The following NLGN1 variants were observed in gnomAD, a reference collection of about 807,000 sequenced individuals.
NLGN1 encodes neuroligin 1, also known as neuroligin-1.
In NLGN1, 12 loss-of-function variants were observed where a neutral mutation model predicts 65.5. That is an observed-to-expected ratio of 0.18 (90% CI 0.12 to 0.30). The LOEUF (loss-of-function observed/expected upper bound fraction) is 0.30, where lower values mean the gene tolerates loss of function less well. NLGN1 is among the 10% of genes least tolerant of loss of function. The pLI, the probability that NLGN1 is intolerant of heterozygous loss-of-function variation, is 1.00. For synonymous variants in NLGN1, 350 were observed against 359.5 expected, an observed-to-expected ratio of 0.97 and a Z score of 0.30; for missense variants, 750 against 1,007.1, an observed-to-expected ratio of 0.74 and a Z score of 3.46.
intron 2 of NLGN1, among the ~76,000 whole-genome samples, chr3:173,443,254 AG>A (rs1452753096): frequency 6.7e-6 from 1 of 149,704 alleles, no homozygotes; most frequent in Non-Finnish European, 1.5e-5. Context: ...AAAAAAAAGA[AG>A]TTTTTTAAAA....
chr3:173,464,869 T>G (rs1292295792), intron 2 of NLGN1, among the ~76,000 whole-genome samples: 1 of 106,186 alleles, frequency 9.4e-6, no homozygotes, highest in East Asian at 3.4e-4. Flanking sequence ...TAGAACTATT[T>G]TTTTTTGTGG....
At chr3:174,211,086 C>T (rs560607229) in intron 4 of NLGN1, among the ~76,000 whole-genome samples, 3 of 151,990 alleles carry the variant, frequency 2.0e-5, no homozygotes, top group Non-Finnish European at 2.9e-5. Flanking sequence ...TGGTCTCGCT[C>T]GCTCAGGAGT....
chr3:173,954,410 G>A (rs577063200), intron 4 of NLGN1, among the ~76,000 whole-genome samples: 11 of 152,034 alleles, frequency 7.2e-5, no homozygotes, highest in South Asian at 4.2e-4. Context: ...ATTGAAGTGC[G>A]TAGAAGTGTA....
intron 4 of NLGN1, among the ~76,000 whole-genome samples, chr3:174,192,091 A>G (rs6445149): frequency 0.76 from 115,111 of 151,926 alleles, 43,689 homozygotes; most frequent in East Asian, 0.83. Context: ...AAATTCCATC[A>G]TATTCCGTTG....
chr3:174,139,000 A>C (rs949261045), intron 4 of NLGN1, among the ~76,000 whole-genome samples: 3 of 152,194 alleles, frequency 2.0e-5, no homozygotes, highest in Admixed American at 2.0e-4. Flanking sequence ...AAGAATATAG[A>C]AGCCAAACAT....
chr3:174,275,376 A>G, exon 5 of NLGN1: 1 of 1,612,808 alleles, frequency 6.2e-7, no homozygotes, highest in Non-Finnish European at 8.5e-7. Context: ...ATCTCATACA[A>G]GCTTTAAGAT....
chr3:173,970,690 G>A (rs1716033431), intron 4 of NLGN1, among the ~76,000 whole-genome samples: 1 of 152,102 alleles, frequency 6.6e-6, no homozygotes, highest in Non-Finnish European at 1.5e-5. Flanking sequence ...TTAAATCTAG[G>A]CCTTGTCAAC....
intron 4 of NLGN1, among the ~76,000 whole-genome samples, chr3:174,198,553 T>G (rs1322628094): frequency 1.3e-5 from 2 of 152,252 alleles, no homozygotes; most frequent in Non-Finnish European, 2.9e-5. Context: ...CTATTTTTTC[T>G]GGCAGAATAT....
At chr3:174,067,350 A>G (rs1738846166) in intron 4 of NLGN1, among the ~76,000 whole-genome samples, 1 of 152,188 alleles carries the variant, frequency 6.6e-6, no homozygotes, top group Admixed American at 6.6e-5. Context: ...CTGAACTGTA[A>G]TAACTTTTAT....
chr3:174,074,129 A>G (rs1429462411), intron 4 of NLGN1, among the ~76,000 whole-genome samples: 1 of 152,176 alleles, frequency 6.6e-6, no homozygotes, highest in East Asian at 1.9e-4. Flanking sequence ...TTTGGAATCC[A>G]GTGTAGAGGG....
At chr3:173,732,648 C>T (rs555857524) in intron 3 of NLGN1, among the ~76,000 whole-genome samples, 87 of 152,036 alleles carry the variant, frequency 5.7e-4, no homozygotes, top group South Asian at 3.9e-3. Flanking sequence ...CAAAAAGTGA[C>T]GGTTTTTTAA....
intron 2 of NLGN1, among the ~76,000 whole-genome samples, chr3:173,522,988 C>T (rs189228982): frequency 1.6e-4 from 25 of 151,596 alleles, no homozygotes; most frequent in Admixed American, 8.5e-4. Flanking sequence ...GGTTATATCA[C>T]CTTGTGGTTT....
At chr3:173,513,836 G>C (rs1733380458) in intron 2 of NLGN1, among the ~76,000 whole-genome samples, 1 of 151,950 alleles carries the variant, frequency 6.6e-6, no homozygotes, top group East Asian at 1.9e-4. Flanking sequence ...AACCAGCCTG[G>C]CCAACATGGT....
intron 4 of NLGN1, among the ~76,000 whole-genome samples, chr3:174,037,354 C>A (rs1194391635): frequency 6.6e-6 from 1 of 152,158 alleles, no homozygotes; most frequent in African/African-American, 2.4e-5. Flanking sequence ...TGTTTAAAAA[C>A]TAAATAATCA....
intron 3 of NLGN1, among the ~76,000 whole-genome samples, chr3:173,767,122 A>G (rs1165433626): frequency 6.6e-6 from 1 of 152,162 alleles, no homozygotes; most frequent in Non-Finnish European, 1.5e-5. Flanking sequence ...GCGGATATAA[A>G]TTAATAATCT....
intron 2 of NLGN1, among the ~76,000 whole-genome samples, chr3:173,573,988 A>G (rs1577342431): frequency 6.8e-6 from 1 of 146,830 alleles, no homozygotes; most frequent in Non-Finnish European, 1.5e-5. Flanking sequence ...GCGTGAACCC[A>G]GGAGGCGGAG....
chr3:173,463,385 C>G (rs1723725468), intron 2 of NLGN1, among the ~76,000 whole-genome samples: 1 of 152,138 alleles, frequency 6.6e-6, no homozygotes, highest in Admixed American at 6.6e-5. Context: ...AATTCCATCT[C>G]CAATTTCTTT....
chr3:174,110,030 TTTTC>T (rs1252711525), intron 4 of NLGN1, among the ~76,000 whole-genome samples: 2 of 152,152 alleles, frequency 1.3e-5, no homozygotes, highest in African/African-American at 4.8e-5. Flanking sequence ...TCCACACTTT[TTTTC>T]TTTATTTTCA....
At chr3:174,058,799 T>A (rs1312417776) in intron 4 of NLGN1, among the ~76,000 whole-genome samples, 1 of 152,040 alleles carries the variant, frequency 6.6e-6, no homozygotes, top group East Asian at 1.9e-4. Flanking sequence ...TTATCTGAGA[T>A]TTTTTTAAGA....
Sources: allele counts gnomAD v4.1 joint callset (sites outside exome capture counted in the v4.1 genomes callset), GRCh38; gene constraint gnomAD v4.1.1; transcripts MANE v1.5; gene names NCBI Gene and HGNC (gene_info 2026-07-23, HGNC 2026-07-21).